PIK3CD: variants seen among roughly 807,000 people sequenced by gnomAD.
PIK3CD encodes the protein phosphatidylinositol-4,5-bisphosphate 3-kinase catalytic subunit delta.
In PIK3CD, 20 loss-of-function variants were observed where a neutral mutation model predicts 122.9. That is an observed-to-expected ratio of 0.16 (90% confidence interval 0.11 to 0.24). The LOEUF is 0.24. PIK3CD is among the 10% of genes least tolerant of loss of function. The pLI is 1.00. For missense variants in PIK3CD, 787 were observed against 1,406.3 expected, an observed-to-expected ratio of 0.56 and a Z score of 7.04; for synonymous variants, 596 against 593.4, an observed-to-expected ratio of 1.00 and a Z score of -0.06.
chr1:9,694,806 T>TA (rs1646339571), intron 2 of PIK3CD, among the ~76,000 whole-genome samples: 1 of 151,706 alleles, frequency 6.6e-6, no homozygotes, highest in Non-Finnish European at 1.5e-5. Context: ...CTACATAAAA[T>TA]AAAAAACAAG....
intron 1 of PIK3CD, among the ~76,000 whole-genome samples, chr1:9,675,308 C>A (rs1390625290): frequency 6.8e-6 from 1 of 147,952 alleles, no homozygotes; most frequent in African/African-American, 2.5e-5. Context: ...ATGGCGTGAA[C>A]CTGGGAGGCG....
In PIK3CD at chr1:9,721,785, G is replaced by A. The variant is rs1297029037; in HGVS notation, c.1980G>A (p.Val660=). The change falls in exon 16 of 24, where the codon GTG becomes GTA. Residue 660 remains valine, a synonymous_variant. Transcript: ENST00000377346. The part of the protein sequence containing the change: ...HLRSEMHVPS[V]ALRFGLILEA... Reference sequence around the variant, plus strand: ...GCTCCGAGATGCACGTGCCGTCGGTGGCCCTGCGCTTCGGCCTCATCCTGG... The same window carrying A: ...GCTCCGAGATGCACGTGCCGTCGGTAGCCCTGCGCTTCGGCCTCATCCTGG... The A allele has an allele frequency of 1.2e-6, 2 of 1,613,244 alleles. No homozygotes were observed. The highest frequency in any genetic ancestry group is 1.7e-6 in the Non-Finnish European group (2 of 1,179,944).
intron 1 of PIK3CD, among the ~76,000 whole-genome samples, chr1:9,674,058 G>A (rs1054850354): frequency 1.2e-4 from 19 of 152,268 alleles, no homozygotes; most frequent in Middle Eastern, 3.4e-3. Flanking sequence ...CATGGAGAGC[G>A]CCATTCACCC....
Position 9,724,392 on chromosome 1 carries a change from G to A in PIK3CD, c.2835G>A (p.Gly945=). 6.2e-7 allele frequency: 1 copy of A among 1,614,122 alleles called. No individual in the cohort carries two copies. Among genetic ancestry groups the A allele is most frequent in the East Asian group, 2.2e-5 (1 of 44,876 alleles). Residue 945 remains glycine (G), a synonymous_variant, in exon 22 of 24, where the codon GGG becomes GGA. Transcript: ENST00000377346. The surrounding 1 kb of genome is among the most constrained non-coding windows in gnomAD (Gnocchi z 7.3). ...TYDFVHVIQQ[G]KTNNSEKFER... ...ACTTTGTCCATGTGATTCAGCAGGGGAAGACTAATAATAGTGAGAAATTTG... is the reference window on the plus strand; with the variant it reads ...ACTTTGTCCATGTGATTCAGCAGGGAAAGACTAATAATAGTGAGAAATTTG...
chr1:9,690,118 C>A (rs999950748), intron 1 of PIK3CD, among the ~76,000 whole-genome samples: 18 of 152,144 alleles, frequency 1.2e-4, no homozygotes, highest in Admixed American at 1.1e-3. Flanking sequence ...GCGCGTCCTC[C>A]CCTCCCCCTG....
chr1:9,693,104 C>T (rs66735688), intron 2 of PIK3CD, among the ~76,000 whole-genome samples: 16,345 of 152,166 alleles, frequency 0.11, 913 homozygotes, highest in South Asian at 0.18. Flanking sequence ...CAAGCATACT[C>T]GTCTATCATC....
At chr1:9,644,592 A>G in the PIK3CD span, among the ~76,000 whole-genome samples, 1 of 152,164 alleles carries the variant, frequency 6.6e-6, no homozygotes, top group South Asian at 2.1e-4. Context: ...TCGTTCTTCA[A>G]GTTCCTGATA....
chr1:9,726,678 C>T (rs1649687223), intron 23 of PIK3CD, among the ~76,000 whole-genome samples: 1 of 152,104 alleles, frequency 6.6e-6, no homozygotes, highest in African/African-American at 2.4e-5. Context: ...CCTCCCAGAG[C>T]CATTTCTCCA....
chr1:9,630,739 T>TGTGTGTGCGCGCGC, the PIK3CD span, among the ~76,000 whole-genome samples: 1 of 150,964 alleles, frequency 6.6e-6, no homozygotes, highest in South Asian at 2.1e-4. Context: ...TGTGTGTGTG[T>TGTGTGTGCGCGCGC]GCAGAAGAGG....
intron 1 of PIK3CD, among the ~76,000 whole-genome samples, chr1:9,681,879 G>A (rs1645766794): frequency 2.0e-5 from 3 of 152,300 alleles, no homozygotes; most frequent in Admixed American, 6.5e-5. Flanking sequence ...TTCTGGAAGG[G>A]ACTGCAGTCT....
At chr1:9,687,907 T>C (rs571221659) in intron 1 of PIK3CD, among the ~76,000 whole-genome samples, 1 of 143,916 alleles carries the variant, frequency 6.9e-6, no homozygotes, top group African/African-American at 2.5e-5. Context: ...CTCTCTTCTC[T>C]CTCCTCCTTG....
At chr1:9,645,838 T>TCA in the PIK3CD span, among the ~76,000 whole-genome samples, 30 of 152,300 alleles carry the variant, frequency 2.0e-4, no homozygotes, top group African/African-American at 6.3e-4. Context: ...ACCCCTGACC[T>TCA]CAGGTGATCC....
Position 9,721,585 on chromosome 1 carries a change from C to T in PIK3CD, c.1953C>T (p.Leu651=), listed in dbSNP as rs140468930. The T allele has an allele frequency of 8.4e-3, 13,563 of 1,612,992 alleles. 806 individuals are homozygous for T. The Admixed American group carries it at 0.13, about 15-fold the overall frequency. The change falls in exon 15 of 24, where the codon CTC becomes CTT. Residue 651 remains leucine (L), a splice_region_variant and synonymous_variant. Coordinates refer to ENST00000377346, the MANE Select transcript of PIK3CD (RefSeq NM_005026.5). ...TCGGCCACTTCCTTTTCTGGCACCT[C>T]CGGTAGCGGGACTTGCCCCAGCCGT... ...RKIGHFLFWH[L]RSEMHVPSVA...
intron 1 of PIK3CD, among the ~76,000 whole-genome samples, chr1:9,680,355 T>C (rs1645702337): frequency 6.6e-6 from 1 of 151,990 alleles, no homozygotes; most frequent in African/African-American, 2.4e-5. Context: ...CTCATGTCTG[T>C]AATCCAAGCA....
intron 2 of PIK3CD, among the ~76,000 whole-genome samples, chr1:9,699,260 G>A (rs939663648): frequency 1.3e-5 from 2 of 152,070 alleles, no homozygotes; most frequent in African/African-American, 4.8e-5. Context: ...CGGGCATTTC[G>A]GGGCATGTGA....
intron 1 of PIK3CD, among the ~76,000 whole-genome samples, chr1:9,676,989 G>T (rs1314740809): frequency 6.6e-6 from 1 of 152,176 alleles, no homozygotes; most frequent in Admixed American, 6.5e-5. Flanking sequence ...CCAGGACAAT[G>T]ACTGGTGGGA....
At position 9,729,024 on chromosome 1, in the gene PIK3CD, AGTTAGTTAGAACC is replaced by A. The variant is rs1358129720; in HGVS notation, c.*1979_*1991del. 1 of 151,976 alleles carries A rather than the reference AGTTAGTTAGAACC, an allele frequency of 6.6e-6. No homozygotes were observed. Among genetic ancestry groups the A allele is most frequent in the Non-Finnish European group, 1.5e-5 (1 of 68,030 alleles). 9.4% of individuals were successfully genotyped at this position (151,976 alleles called of 1,614,324 possible). Reference sequence around the variant, plus strand: ...AGAAGACAAACCCCGCTCCGGCTGGAGTTAGTTAGAACCAGAACTTTATTGTAGCGGATACACT... The same window carrying A: ...AGAAGACAAACCCCGCTCCGGCTGGAAGAACTTTATTGTAGCGGATACACT... On this transcript the variant is annotated 3_prime_UTR_variant, in exon 24 of 24. Coordinates refer to ENST00000377346, the MANE Select transcript of PIK3CD (RefSeq NM_005026.5).
chr1:9,726,767 C>A, intron 23 of PIK3CD, 142 bp from the exon 24 acceptor site: 2 of 1,050,574 alleles, frequency 1.9e-6, no homozygotes, highest in Non-Finnish European at 1.4e-6. Flanking sequence ...AGGGTGGGAG[C>A]GGAATAGAGA....
At chr1:9,636,930 C>T in the PIK3CD span, among the ~76,000 whole-genome samples, 1 of 151,178 alleles carries the variant, frequency 6.6e-6, no homozygotes, top group African/African-American at 2.4e-5. Flanking sequence ...CGGAGTCTCT[C>T]TCTGTCACCC....
Sources: allele counts gnomAD v4.1 joint callset (sites outside exome capture counted in the v4.1 genomes callset), GRCh38; gene constraint gnomAD v4.1.1; non-coding constraint Gnocchi (gnomAD v3.1); transcripts MANE v1.5; gene names NCBI Gene and HGNC (gene_info 2026-07-23, HGNC 2026-07-21).